CABCOCO1: variants seen among roughly 807,000 people sequenced by gnomAD.
CABCOCO1 encodes the protein ciliary associated calcium binding coiled-coil 1.
Under a neutral mutation model 35.7 loss-of-function variants are expected in CABCOCO1, and 28 were observed. The observed-to-expected ratio is 0.78, with a 90% CI of 0.58 to 1.07. The LOEUF (loss-of-function observed/expected upper bound fraction) is 1.07, where lower values mean the gene tolerates loss of function less well. CABCOCO1 is among the 50% of genes least tolerant of loss of function. The probability of loss-of-function intolerance (pLI) is 0.00; values close to 1 mark genes in which losing one functional copy is unlikely to be tolerated. For synonymous variants in CABCOCO1, 95 were observed against 100.1 expected (o/e 0.95, Z 0.30); for missense variants, 326 against 309.2 (o/e 1.05, Z -0.41).
chr10:61,671,759 A>G (rs1310860673), intron 1 of CABCOCO1, among the ~76,000 whole-genome samples: 1 of 152,110 alleles, frequency 6.6e-6, no homozygotes, highest in African/African-American at 2.4e-5. Context: ...TTCACCCTCC[A>G]GTAGATTACC....
At chr10:61,670,953 T>C (rs1839339032) in intron 1 of CABCOCO1, among the ~76,000 whole-genome samples, 1 of 152,216 alleles carries the variant, frequency 6.6e-6, no homozygotes, top group Non-Finnish European at 1.5e-5. Flanking sequence ...TATTCCACCT[T>C]AAACTCAGCC....
chr10:61,724,975 C>T (rs1841109983), intron 5 of CABCOCO1, among the ~76,000 whole-genome samples: 1 of 152,204 alleles, frequency 6.6e-6, no homozygotes, highest in Non-Finnish European at 1.5e-5. Context: ...ACAGGTTCAT[C>T]TTACCGAATA....
At chr10:61,683,513 A>T (rs1257686772) in intron 3 of CABCOCO1, among the ~76,000 whole-genome samples, 2 of 152,086 alleles carry the variant, frequency 1.3e-5, no homozygotes, top group Non-Finnish European at 2.9e-5. Flanking sequence ...GTGACCCATG[A>T]TTGCATCACT....
At chr10:61,689,910 T>C (rs939689468) in intron 4 of CABCOCO1, among the ~76,000 whole-genome samples, 2 of 152,194 alleles carry the variant, frequency 1.3e-5, no homozygotes, top group African/African-American at 4.8e-5. Flanking sequence ...TGGTTCTTTA[T>C]AGTTTTTGTA....
At chr10:61,671,406 C>T (rs2131953969) in intron 1 of CABCOCO1, among the ~76,000 whole-genome samples, 1 of 151,982 alleles carries the variant, frequency 6.6e-6, no homozygotes, top group South Asian at 2.1e-4. Flanking sequence ...TGAGTGGGGG[C>T]TAAAACTAGA....
intron 5 of CABCOCO1, among the ~76,000 whole-genome samples, chr10:61,707,823 G>A (rs1589133554): frequency 6.6e-6 from 1 of 152,108 alleles, no homozygotes; most frequent in East Asian, 1.9e-4. Flanking sequence ...ACAAAAAAGT[G>A]TGGAGAATTA....
intron 5 of CABCOCO1, among the ~76,000 whole-genome samples, chr10:61,718,979 A>C (rs1840933994): frequency 6.6e-6 from 1 of 152,234 alleles, no homozygotes; most frequent in South Asian, 2.1e-4. Flanking sequence ...TTCATCAATT[A>C]CTTTTCATTT....
rs1839433152 is a variant in CABCOCO1, at chr10:61,673,883, T to C, written c.164+1148T>C. ...TAAGGTTCGTTAGGAATTCTGATTC[T>C]TAATGTAAGAATTGATCTGCAATAC... On this transcript the variant is annotated intron_variant, in intron 2 of 7. Coordinates refer to ENST00000648843, the MANE Select transcript of CABCOCO1 (RefSeq NM_001366906.2). Among the ~76,000 whole-genome samples the C allele has an allele frequency of 2.0e-5, 3 of 152,224 alleles. No homozygotes were observed. In the South Asian group the frequency reaches 6.2e-4, roughly 31 times the overall value.
At chr10:61,734,577 T>C (rs1467406216) in intron 5 of CABCOCO1, among the ~76,000 whole-genome samples, 2 of 152,090 alleles carry the variant, frequency 1.3e-5, no homozygotes, top group Admixed American at 6.6e-5. Flanking sequence ...CAGCATTTTA[T>C]GTCAACAAGA....
chr10:61,688,779 T>G (rs1052573505), intron 4 of CABCOCO1, among the ~76,000 whole-genome samples: 1 of 152,204 alleles, frequency 6.6e-6, no homozygotes, highest in Non-Finnish European at 1.5e-5. Flanking sequence ...TCTCTTCAAT[T>G]TAGGACTAAG....
Position 61,680,478 on chromosome 10 carries a change from A to ATATGTTATATTATGT in CABCOCO1, c.165-662_165-661insGTTATATTATGTTAT, listed in dbSNP as rs1839693835. On this transcript the variant is annotated intron_variant, in intron 2 of 7. Transcript: ENST00000648843. ...TATATAACATATATAATATATATTT[A>ATATGTTATATTATGT]TATATATAACATATTATATGTTATA... is the stretch of plus-strand genomic sequence containing the variant. Among the ~76,000 whole-genome samples, 74 of 25,492 alleles carry ATATGTTATATTATGT rather than the reference A, an allele frequency of 2.9e-3. 1 individual carries two copies. The highest frequency in any genetic ancestry group is 8.7e-3 in the African/African-American group (64 of 7,386). 16.7% of individuals were successfully genotyped at this position (25,492 alleles called of 152,430 possible).
At chr10:61,686,210 T>C (rs1311250975) in intron 4 of CABCOCO1, 25 bp downstream of exon 4, 1 of 1,496,032 alleles carries the variant, frequency 6.7e-7, no homozygotes, top group African/African-American at 1.5e-5. Flanking sequence ...CAGTAACATT[T>C]ATTTTTCATT....
intron 5 of CABCOCO1, among the ~76,000 whole-genome samples, chr10:61,715,561 T>C (rs1840843010): frequency 6.6e-6 from 1 of 152,160 alleles, no homozygotes; most frequent in African/African-American, 2.4e-5. Flanking sequence ...CATTGTGATA[T>C]TAGTTGGTTA....
intron 5 of CABCOCO1, among the ~76,000 whole-genome samples, chr10:61,712,300 TG>T (rs1277554273): frequency 6.6e-6 from 1 of 152,224 alleles, no homozygotes; most frequent in African/African-American, 2.4e-5. Flanking sequence ...GCTGCATAGA[TG>T]TCTTCTTCTG....
intron 5 of CABCOCO1, among the ~76,000 whole-genome samples, chr10:61,749,476 C>T (rs952662936): frequency 9.2e-5 from 14 of 152,340 alleles, no homozygotes; most frequent in South Asian, 6.2e-4. Flanking sequence ...TCTTTAAAAA[C>T]TATTCAACCT....
intron 5 of CABCOCO1, among the ~76,000 whole-genome samples, chr10:61,730,638 AATT>A (rs757834285): frequency 3.8e-4 from 58 of 152,166 alleles, no homozygotes; most frequent in Admixed American, 7.9e-4. Flanking sequence ...CTTCCCATAA[AATT>A]ATTATTAACT....
At chr10:61,707,117 G>A (rs1318765459) in intron 5 of CABCOCO1, among the ~76,000 whole-genome samples, 12 of 152,144 alleles carry the variant, frequency 7.9e-5, no homozygotes. Flanking sequence ...TCATGTATGT[G>A]CGTGGTGTCC....
intron 2 of CABCOCO1, among the ~76,000 whole-genome samples, chr10:61,674,879 C>G (rs1235178304): frequency 1.3e-5 from 2 of 152,058 alleles, no homozygotes; most frequent in Non-Finnish European, 2.9e-5. Flanking sequence ...AGATCCATCT[C>G]AATTTTTTTT....
At chr10:61,736,856 C>T (rs987681079) in intron 5 of CABCOCO1, among the ~76,000 whole-genome samples, 1 of 151,734 alleles carries the variant, frequency 6.6e-6, no homozygotes, top group Non-Finnish European at 1.5e-5. Context: ...AGATCTTTCA[C>T]CTCCCTCATT....
Sources: gnomAD v4.1 joint callset for allele counts (sites outside exome capture counted in the v4.1 genomes callset) on GRCh38, gnomAD v4.1.1 for gene constraint, MANE v1.5 for transcripts, NCBI Gene and HGNC (gene_info 2026-07-23, HGNC 2026-07-21) for gene names.